The following KCNC3 variants were observed in gnomAD, a reference collection of about 807,000 sequenced individuals.
The protein encoded by KCNC3 is potassium voltage-gated channel subfamily C member 3.
KCNC3 carries 22 observed loss-of-function variants against 43.9 expected under a neutral mutation model. The ratio of observed to expected loss-of-function variants is 0.50; its 90% CI spans 0.36 to 0.72. KCNC3 has a LOEUF of 0.72. Ranked by LOEUF, KCNC3 falls within the 30% of genes least tolerant of loss-of-function variation. The probability of loss-of-function intolerance (pLI) is 0.00; values close to 1 mark genes in which losing one functional copy is unlikely to be tolerated. For missense variants in KCNC3, 829 were observed against 1,073.8 expected, an observed-to-expected ratio of 0.77 and a Z score of 3.19; for synonymous variants, 492 against 488.0, an observed-to-expected ratio of 1.01 and a Z score of -0.11.
At position 50,314,755 on chromosome 19, in the gene KCNC3, ATT is replaced by A; in HGVS notation, c.*1358_*1359del. On this transcript the variant is annotated 3_prime_UTR_variant, in exon 5 of 5. Coordinates refer to ENST00000477616, the MANE Select transcript of KCNC3 (RefSeq NM_004977.3). ...GTTGCATATTATTAATGACTTTTTG[ATT>A]TTTTTTAAAAAAACCCTTTTCCCCA... 2.3e-6 allele frequency: 1 copy of A among 435,302 alleles called. No homozygotes were observed. The highest frequency in any genetic ancestry group is 1.6e-5 in the South Asian group (1 of 63,106). The allele number at this position is 435,302 out of a possible 1,614,324, so 27.0% of individuals were successfully genotyped here. A position where few individuals can be genotyped will look rare whatever the true frequency, so the allele number is the denominator to read the frequency against.
Position 50,329,000 on chromosome 19 carries a change from G to A in KCNC3, c.83C>T (p.Pro28Leu). ...KQQPAPPPQP[P>L]ESPPPPPLPP... Reference sequence around the variant, plus strand: ...CAGCGGTGGCGGCGGCGGGGACTCGGGCGGCTGCGGCGGTGGCGCCGGCTG... The same window carrying A: ...CAGCGGTGGCGGCGGCGGGGACTCGAGCGGCTGCGGCGGTGGCGCCGGCTG... The change falls in exon 1 of 5, where the codon CCC (proline) becomes CTC (leucine). Residue 28 changes from proline to leucine, a missense_variant. By Grantham distance (98) the Pro-to-Leu change is moderately conservative. Transcript: ENST00000477616. 8.1e-7 allele frequency: 1 copy of A among 1,242,088 alleles called. No individual in the cohort carries two copies. The highest frequency in any genetic ancestry group is 3.3e-5 in the East Asian group (1 of 30,462). The allele number at this position is 1,242,088 out of a possible 1,614,324, so 76.9% of individuals were successfully genotyped here.
rs2036896190 is a variant in KCNC3 at position 50,312,714 on chromosome 19, A to G, written c.*3401T>C. 6.6e-6 allele frequency: 1 copy of G among 151,954 alleles called. No individual in the cohort carries two copies. Among genetic ancestry groups the G allele is most frequent in the Non-Finnish European group, 1.5e-5 (1 of 67,984 alleles). The allele number at this position is 151,954 out of a possible 1,614,324, so 9.4% of individuals were successfully genotyped here. On this transcript the variant is annotated 3_prime_UTR_variant, in exon 5 of 5. Coordinates refer to ENST00000477616, the MANE Select transcript of KCNC3 (RefSeq NM_004977.3). Reference sequence around the variant, plus strand: ...GGGGAGACGTTGGGAAGAGGTCAGTACCCTTTGGAAAAGACCCTCACCCCC... The same window carrying G: ...GGGGAGACGTTGGGAAGAGGTCAGTGCCCTTTGGAAAAGACCCTCACCCCC...
intron 4 of KCNC3, among the ~76,000 whole-genome samples, chr19:50,320,004 G>T (rs1173748857): frequency 6.7e-6 from 1 of 149,892 alleles, no homozygotes; most frequent in Non-Finnish European, 1.5e-5. Context: ...AGTGTGGGAG[G>T]CAGGGTTGAG....
intron 2 of KCNC3, among the ~76,000 whole-genome samples, chr19:50,322,247 C>G (rs2037043343): frequency 6.6e-6 from 1 of 152,134 alleles, no homozygotes; most frequent in African/African-American, 2.4e-5. Context: ...CACAGAAGCA[C>G]AGGTAACTTT....
At chr19:50,327,616 C>T (rs2037121858) in intron 1 of KCNC3, among the ~76,000 whole-genome samples, 1 of 151,840 alleles carries the variant, frequency 6.6e-6, no homozygotes, top group South Asian at 2.1e-4. Context: ...TTCTGGGAGA[C>T]GGGCCACGGG....
intron 4 of KCNC3, among the ~76,000 whole-genome samples, chr19:50,316,730 C>T (rs1244655830): frequency 2.6e-5 from 4 of 151,468 alleles, no homozygotes; most frequent in Admixed American, 2.6e-4. Flanking sequence ...AGCGAGACCC[C>T]ATTTCAAAAA....
rs1320473322 is a variant in KCNC3, at chr19:50,312,240, C to T, written c.*3875G>A. 1 of 151,732 alleles carries T rather than the reference C, an allele frequency of 6.6e-6. No homozygotes were observed. Among genetic ancestry groups the T allele is most frequent in the African/African-American group, 2.4e-5 (1 of 41,338 alleles). 9.4% of individuals were successfully genotyped at this position (151,732 alleles called of 1,614,324 possible). A position where few individuals can be genotyped will look rare whatever the true frequency, so the allele number is the denominator to read the frequency against. ...TCCCTGAGAGCGCCCCCTCACCACT[C>T]CCCCCACCAGCGACAGGCTAGGCCC... is the stretch of plus-strand genomic sequence containing the variant. On this transcript the variant is annotated 3_prime_UTR_variant, in exon 5 of 5. Coordinates refer to ENST00000477616, the MANE Select transcript of KCNC3 (RefSeq NM_004977.3).
Position 50,329,276 on chromosome 19 carries a change from C to T in KCNC3, c.-194G>A, listed in dbSNP as rs556887744. 4.0e-6 allele frequency: 1 copy of T among 247,202 alleles called. No homozygotes were observed. The highest frequency in any genetic ancestry group is 7.6e-6 in the Non-Finnish European group (1 of 131,860). 15.3% of individuals were successfully genotyped at this position (247,202 alleles called of 1,614,324 possible). On this transcript the variant is annotated 5_prime_UTR_variant, in exon 1 of 5. Coordinates refer to ENST00000477616, the MANE Select transcript of KCNC3 (RefSeq NM_004977.3). ...GTGGGGCGGGCACTCTAACGCGACC[C>T]AGCTGGACGAGTCGGGGCCGCCAAT...
In KCNC3 at chr19:50,320,796, G is replaced by A. The variant is rs1448820974; in HGVS notation, c.1979-12C>T. ...ATTGGGGCGAGGATCTGCATCCCAA[G>A]GGGGTCAGACAGAGAGACAAAGGAG... On this transcript the variant is annotated splice_polypyrimidine_tract_variant and intron_variant, in intron 2 of 4. Transcript: ENST00000477616. 3.7e-6 allele frequency: 6 copies of A among 1,612,908 alleles called. No homozygotes were observed. Among genetic ancestry groups the A allele is most frequent in the South Asian group, 2.2e-5 (2 of 91,048 alleles).
intron 2 of KCNC3, 26 bp downstream of exon 2, chr19:50,322,949 C>T (rs1389626289): frequency 5.8e-6 from 9 of 1,549,688 alleles, no homozygotes; most frequent in Admixed American, 3.9e-5. Context: ...CCACCTGTGC[C>T]CCCGATCCCT....
chr19:50,313,161 G>C lies in KCNC3; in HGVS notation c.*2954C>G, dbSNP rs1033902903. 6 of 152,162 alleles carry C rather than the reference G, an allele frequency of 3.9e-5. No homozygotes were observed. Among genetic ancestry groups the C allele is most frequent in the Non-Finnish European group, 8.8e-5 (6 of 68,040 alleles). The allele number at this position is 152,162 out of a possible 1,614,324, so 9.4% of individuals were successfully genotyped here. ...GGGGAGGTAGCGCATCCTTGAGCCA[G>C]GATAGGAGGTGGGAAATGATTTTCC... On this transcript the variant is annotated 3_prime_UTR_variant, in exon 5 of 5. Coordinates refer to ENST00000477616, the MANE Select transcript of KCNC3 (RefSeq NM_004977.3).
In KCNC3 at chr19:50,328,453, G is replaced by T; in HGVS notation, c.630C>A (p.Ala210=). The T allele has an allele frequency of 1.3e-6, 2 of 1,586,918 alleles. No individual in the cohort carries two copies. The highest frequency in any genetic ancestry group is 1.7e-6 in the Non-Finnish European group (2 of 1,169,304). ...CGCCTGCGGCGTTGGCGGCGTTGGC[G>T]GCGCCCGCGGGGTCGGGCGCCTCGA... is the stretch of plus-strand genomic sequence containing the variant. ...DSFEAPDPAG[A]ANAANAAGAH... is the part of the protein sequence containing the mutation. Residue 210 remains alanine, a synonymous_variant, in exon 1 of 5, where the codon GCC becomes GCA. Coordinates refer to ENST00000477616, the MANE Select transcript of KCNC3 (RefSeq NM_004977.3).
At chr19:50,320,880 G>A in intron 2 of KCNC3, 96 bp from the exon 3 acceptor site, 1 of 1,210,146 alleles carries the variant, frequency 8.3e-7, no homozygotes, top group Non-Finnish European at 1.2e-6. Context: ...CAGATGCTGG[G>A]ATGGTCGGCG....
chr19:50,330,447 G>C (rs1429978690), upstream of KCNC3, among the ~76,000 whole-genome samples: 1 of 151,990 alleles, frequency 6.6e-6, no homozygotes, highest in African/African-American at 2.4e-5. Context: ...AGACTACAAA[G>C]AGTACAAAGC....
Position 50,317,073 on chromosome 19 carries a change from T to C in KCNC3, c.*24-982A>G, listed in dbSNP as rs1440537225. Among the ~76,000 whole-genome samples, 4 of 108,178 alleles carry C rather than the reference T, an allele frequency of 3.7e-5. No homozygotes were observed. In the East Asian group the frequency reaches 9.3e-4, roughly 25 times the overall value. 71.0% of individuals were successfully genotyped at this position (108,178 alleles called of 152,430 possible). A position where few individuals can be genotyped will look rare whatever the true frequency, so the allele number is the denominator to read the frequency against. On this transcript the variant is annotated intron_variant, in intron 4 of 4. Coordinates refer to ENST00000477616, the MANE Select transcript of KCNC3 (RefSeq NM_004977.3). ...CCACACCCTCTCCCCCTCAATCCCA[T>C]AGGGGCCCCTCTAGACCTGGGGGTG... is the stretch of plus-strand genomic sequence containing the variant.
At chr19:50,326,104 A>T (rs1157827992) in intron 1 of KCNC3, among the ~76,000 whole-genome samples, 1 of 152,118 alleles carries the variant, frequency 6.6e-6, no homozygotes, top group Non-Finnish European at 1.5e-5. Context: ...CGGACCCTCC[A>T]CTTTGCTTTG....
chr19:50,330,202 G>A (rs1041863696), upstream of KCNC3, among the ~76,000 whole-genome samples: 12 of 152,188 alleles, frequency 7.9e-5, no homozygotes, highest in African/African-American at 2.4e-4. Context: ...GGGAAGTAGA[G>A]GTTGCAATGA....
chr19:50,322,274 C>T (rs1344453325), intron 2 of KCNC3, among the ~76,000 whole-genome samples: 1 of 152,128 alleles, frequency 6.6e-6, no homozygotes, highest in Non-Finnish European at 1.5e-5. Context: ...CCTCATCTCT[C>T]GCTTGTCTCT....
At chr19:50,318,177 C>T (rs967701668) in intron 4 of KCNC3, among the ~76,000 whole-genome samples, 12 of 147,616 alleles carry the variant, frequency 8.1e-5, no homozygotes, top group Non-Finnish European at 1.5e-4. Flanking sequence ...TCTTCTTCTT[C>T]TTCTTTTTTT....
Sources: gnomAD v4.1 joint callset for allele counts (sites outside exome capture counted in the v4.1 genomes callset) on GRCh38, gnomAD v4.1.1 for gene constraint, MANE v1.5 for transcripts, NCBI Gene and HGNC (gene_info 2026-07-23, HGNC 2026-07-21) for gene names.